PATJ: variants seen among roughly 807,000 people sequenced by gnomAD.
PATJ encodes the protein PATJ crumbs cell polarity complex component, also known as inaD-like protein.
In PATJ, 190 loss-of-function variants were observed where a neutral mutation model predicts 224.9. That is an observed-to-expected ratio of 0.84 (90% confidence interval 0.75 to 0.95). The LOEUF is 0.95. Among genes scored for constraint, PATJ ranks in the 40% least tolerant of loss-of-function variants. PATJ has a pLI of 0.00. For missense variants in PATJ, 2,121 were observed against 2,270.3 expected (o/e 0.93, Z 1.34); for synonymous variants, 769 against 820.3 (o/e 0.94, Z 1.07).
intron 18 of PATJ, among the ~76,000 whole-genome samples, chr1:61,857,204 A>C (rs138881020): frequency 3.3e-4 from 51 of 152,258 alleles, no homozygotes; most frequent in African/African-American, 7.2e-4. Flanking sequence ...ACCACCACCA[A>C]CAACAAAAAC....
intron 30 of PATJ, among the ~76,000 whole-genome samples, chr1:62,041,344 T>C (rs1651440755): frequency 6.6e-6 from 1 of 152,244 alleles, no homozygotes; most frequent in Non-Finnish European, 1.5e-5. Context: ...CTTCAGCTCA[T>C]GGATCCTTCC....
intron 1 of PATJ, among the ~76,000 whole-genome samples, 200 bp downstream of exon 1, chr1:61,742,755 A>T (rs1227611335): frequency 6.7e-6 from 1 of 149,968 alleles, no homozygotes; most frequent in Admixed American, 6.6e-5. Context: ...CGCGGCGAGG[A>T]TGGGGCGCCC....
chr1:62,073,257 T>C (rs1430134354), intron 31 of PATJ: 12 of 985,274 alleles, frequency 1.2e-5, no homozygotes, highest in East Asian at 1.1e-4. Flanking sequence ...AACTGTATCA[T>C]TGATTCTGTG....
At chr1:61,875,211 A>T (rs1253153840) in intron 20 of PATJ, 32 bp from the exon 21 acceptor site, 2 of 1,442,690 alleles carry the variant, frequency 1.4e-6, no homozygotes, top group South Asian at 2.4e-5. Flanking sequence ...TTCATAAAGT[A>T]CTAATGCATT....
chr1:62,096,132 T>C (rs6670630), intron 33 of PATJ, among the ~76,000 whole-genome samples: 5,065 of 152,300 alleles, frequency 0.033, 113 homozygotes, highest in Non-Finnish European at 0.05. Flanking sequence ...GGTTCTTGTT[T>C]ACCTGTTCAA....
chr1:61,887,414 A>C (rs1290398244), intron 22 of PATJ, among the ~76,000 whole-genome samples: 1 of 152,226 alleles, frequency 6.6e-6, no homozygotes, highest in African/African-American at 2.4e-5. Context: ...TTTACTACTA[A>C]GAGTGATGAA....
At chr1:61,742,911 A>G (rs982523922) in intron 1 of PATJ, among the ~76,000 whole-genome samples, 18 of 151,954 alleles carry the variant, frequency 1.2e-4, no homozygotes, top group African/African-American at 4.1e-4. Flanking sequence ...CCGCCTCCCC[A>G]GGCCTTTCGG....
chr1:62,087,259 T>C (rs1660125763), intron 33 of PATJ, among the ~76,000 whole-genome samples: 1 of 152,026 alleles, frequency 6.6e-6, no homozygotes, highest in South Asian at 2.1e-4. Context: ...GGCTCTTCTC[T>C]AAAGTTAAGC....
rs531233112 is a variant in PATJ at position 61,871,315 on chromosome 1, G to A, written c.2836-3928G>A. Among the ~76,000 whole-genome samples the A allele has an allele frequency of 7.8e-4, 101 of 129,618 alleles. 1 individual carries two copies. In the South Asian group the frequency reaches 0.017, roughly 22 times the overall value. 85.0% of individuals were successfully genotyped at this position (129,618 alleles called of 152,430 possible). On this transcript the variant is annotated intron_variant, in intron 20 of 43. Coordinates refer to ENST00000642238, the MANE Select transcript of PATJ (RefSeq NM_001350145.3). ...CAACCTCTGCCACCCAGGTTCAAGC[G>A]ATTCTCCTGCCTCAGCCTCCCAAGT...
At chr1:62,009,341 G>A (rs772623956) in intron 28 of PATJ, among the ~76,000 whole-genome samples, 15 of 152,048 alleles carry the variant, frequency 9.9e-5, no homozygotes, top group Non-Finnish European at 1.9e-4. Context: ...TTTGTTTCCC[G>A]CATATGTGAA....
At position 61,886,143 on chromosome 1, in the gene PATJ, A is replaced by G. The variant is rs944333059; in HGVS notation, c.3131+1735A>G. ...GTATACATATGTAACTAAACTGCAC[A>G]TTGTGCACATGTACCCTAAAACTTA... is the stretch of plus-strand genomic sequence containing the variant. On this transcript the variant is annotated intron_variant, in intron 22 of 43. Transcript: ENST00000642238. Among the ~76,000 whole-genome samples the G allele has an allele frequency of 4.6e-5, 7 of 152,162 alleles. No individual in the cohort carries two copies. The East Asian group carries it at 1.2e-3, about 25-fold the overall frequency.
intron 20 of PATJ, among the ~76,000 whole-genome samples, 166 bp downstream of exon 20, chr1:61,864,799 C>T (rs181186849): frequency 7.0e-4 from 107 of 152,276 alleles, no homozygotes; most frequent in Non-Finnish European, 1.4e-3. Flanking sequence ...AGTATAAGCT[C>T]GTCTTTTCTG....
intron 27 of PATJ, among the ~76,000 whole-genome samples, chr1:61,986,380 T>C (rs1644756407): frequency 6.6e-6 from 1 of 152,108 alleles, no homozygotes. Context: ...TTAAAAAACC[T>C]GTCTGCAGTT....
chr1:62,151,816 A>G (rs183571895), intron 42 of PATJ, among the ~76,000 whole-genome samples: 61 of 152,340 alleles, frequency 4.0e-4, no homozygotes, highest in East Asian at 3.7e-3. Context: ...CCTATCATAA[A>G]TAAGACAGGG....
intron 22 of PATJ, 141 bp downstream of exon 22, chr1:61,884,549 G>A: frequency 1.6e-6 from 1 of 614,248 alleles, no homozygotes; most frequent in Non-Finnish European, 2.6e-6. Context: ...CACTATATTT[G>A]ACAATTACTA....
intron 34 of PATJ, among the ~76,000 whole-genome samples, chr1:62,109,295 A>G (rs1558181588): frequency 6.6e-6 from 1 of 152,070 alleles, no homozygotes; most frequent in East Asian, 1.9e-4. Flanking sequence ...CAACTTTAAT[A>G]TAGCACTTAC....
rs1389096606 is a variant in PATJ, at chr1:62,148,468, CT to C, written c.5378+79del. ...GAACTTTTCCAGACACTCAAGTGCA[CT>C]CTAAAGGAGAAGTGGCCAAAGCGCC... On this transcript the variant is annotated intron_variant, in intron 42 of 43. Coordinates refer to ENST00000642238, the MANE Select transcript of PATJ (RefSeq NM_001350145.3). 2.0e-4 allele frequency: 207 copies of C among 1,011,874 alleles called. No homozygotes were observed. The Admixed American group carries it at 3.5e-3, about 17-fold the overall frequency. The allele number at this position is 1,011,874 out of a possible 1,614,324, so 62.7% of individuals were successfully genotyped here. A position where few individuals can be genotyped will look rare whatever the true frequency, so the allele number is the denominator to read the frequency against.
chr1:62,092,646 C>T (rs1461792471), intron 33 of PATJ, among the ~76,000 whole-genome samples: 2 of 151,690 alleles, frequency 1.3e-5, no homozygotes, highest in Admixed American at 1.3e-4. Flanking sequence ...GAACTCCTGA[C>T]CTCAGGTGAT....
intron 33 of PATJ, among the ~76,000 whole-genome samples, chr1:62,098,663 A>C (rs141575410): frequency 0.011 from 1,660 of 152,254 alleles, 12 homozygotes; most frequent in Middle Eastern, 0.031. Context: ...TCATGAACAA[A>C]TTGATCCAGT....
Sources: gnomAD v4.1 joint callset for allele counts (sites outside exome capture counted in the v4.1 genomes callset) on GRCh38, gnomAD v4.1.1 for gene constraint, MANE v1.5 for transcripts, NCBI Gene and HGNC (gene_info 2026-07-23, HGNC 2026-07-21) for gene names.